Variants in SAMSN1 observed in about 807,000 individuals in gnomAD.
The protein encoded by SAMSN1 is SAM domain-containing protein SAMSN-1.
Under a neutral mutation model 42.0 loss-of-function variants are expected in SAMSN1, and 31 were observed. That is an observed-to-expected ratio of 0.74 (90% CI 0.55 to 1.00). The LOEUF (loss-of-function observed/expected upper bound fraction) is 1.00. SAMSN1 is among the 50% of genes least tolerant of loss of function. The probability of loss-of-function intolerance (pLI) is 0.00; values close to 1 mark genes in which losing one functional copy is unlikely to be tolerated. For missense variants in SAMSN1, 464 were observed against 439.4 expected, an observed-to-expected ratio of 1.06 and a Z score of -0.50; for synonymous variants, 178 against 151.9, an observed-to-expected ratio of 1.17 and a Z score of -1.26.
chr21:14,567,384 G>T (rs1191363711), intron 2 of SAMSN1, among the ~76,000 whole-genome samples: 1 of 151,242 alleles, frequency 6.6e-6, no homozygotes, highest in Admixed American at 6.6e-5. Context: ...ATGTTAAAAT[G>T]ATAAAAATTA....
At chr21:14,593,769 T>G in intron 7 of SAMSN1, 1 of 308,468 alleles carries the variant, frequency 3.2e-6, no homozygotes, top group East Asian at 5.2e-5. Context: ...TTGCTAAATT[T>G]TAGGGAAAAT....
chr21:14,577,236 GTGTATATATATATA>G lies in SAMSN1; in HGVS notation c.261+4886_261+4899del, dbSNP rs1326490642. Among the ~76,000 whole-genome samples, 13 of 30,856 alleles carry G rather than the reference GTGTATATATATATA, an allele frequency of 4.2e-4. 1 individual carries two copies. The highest frequency in any genetic ancestry group is 0.024 in the Middle Eastern group (1 of 42). The allele number at this position is 30,856 out of a possible 152,430, so 20.2% of individuals were successfully genotyped here. A position where few individuals can be genotyped will look rare whatever the true frequency, so the allele number is the denominator to read the frequency against. ...ATGGTGGGCTAATTTATATATATGT[GTGTATATATATATA>G]TATATATATATATATATATATATAT... On this transcript the variant is annotated intron_variant, in intron 2 of 8. Transcript: ENST00000285670.
chr21:14,630,737 T>G (rs1983306303), intron 2 of SAMSN1, among the ~76,000 whole-genome samples: 1 of 152,212 alleles, frequency 6.6e-6, no homozygotes, highest in African/African-American at 2.4e-5. Flanking sequence ...AAGGAAAAGA[T>G]TACGTGCACT....
chr21:14,588,656 G>A (rs1022610175), intron 7 of SAMSN1, among the ~76,000 whole-genome samples: 7 of 152,120 alleles, frequency 4.6e-5, no homozygotes, highest in African/African-American at 1.7e-4. Context: ...CTCAGTGAAG[G>A]CCATCTTCAT....
chr21:14,595,641 T>A (rs1982238618), intron 6 of SAMSN1, among the ~76,000 whole-genome samples: 1 of 152,182 alleles, frequency 6.6e-6, no homozygotes, highest in South Asian at 2.1e-4. Context: ...GTCACTATTT[T>A]ACACATAAGG....
At chr21:14,566,142 A>T (rs1981108899) in intron 2 of SAMSN1, among the ~76,000 whole-genome samples, 1 of 152,202 alleles carries the variant, frequency 6.6e-6, no homozygotes, top group African/African-American at 2.4e-5. Context: ...ATTTAAAGTC[A>T]GTTGTGTTTT....
At chr21:14,608,205 TA>T (rs528150062) in intron 5 of SAMSN1, among the ~76,000 whole-genome samples, 84 of 152,278 alleles carry the variant, frequency 5.5e-4, no homozygotes, top group African/African-American at 1.9e-3. Context: ...AAAGAGCCAC[TA>T]AAAAAAGTAG....
chr21:14,539,236 A>T (rs1287747198), intron 1 of SAMSN1, among the ~76,000 whole-genome samples: 2 of 152,220 alleles, frequency 1.3e-5, no homozygotes, highest in Admixed American at 6.5e-5. Flanking sequence ...AAACAATAAG[A>T]CAGGGATGCC....
chr21:14,580,060 G>C (rs1421887955), intron 2 of SAMSN1, among the ~76,000 whole-genome samples: 1 of 152,182 alleles, frequency 6.6e-6, no homozygotes, highest in Non-Finnish European at 1.5e-5. Flanking sequence ...AAAGGAAGGA[G>C]GGACTACTTC....
chr21:14,528,260 CTCT>C (rs934986540), intron 1 of SAMSN1, among the ~76,000 whole-genome samples: 1 of 152,076 alleles, frequency 6.6e-6, no homozygotes, highest in African/African-American at 2.4e-5. Flanking sequence ...TTCCTTCTTT[CTCT>C]TCTTCTCTAA....
At chr21:14,549,474 G>A (rs902177209), upstream of SAMSN1, among the ~76,000 whole-genome samples, 9 of 152,050 alleles carry the variant, frequency 5.9e-5, no homozygotes, top group Admixed American at 1.3e-4. Flanking sequence ...AGAGTTGGTT[G>A]GGCACAATCT....
intron 4 of SAMSN1, among the ~76,000 whole-genome samples, chr21:14,511,324 A>T (rs1379547764): frequency 1.1e-4 from 17 of 151,924 alleles, no homozygotes; most frequent in Admixed American, 1.1e-3. Flanking sequence ...ATCTCTTCAC[A>T]CCCTCCCTTC....
At chr21:14,601,240 A>G (rs1197056071) in intron 6 of SAMSN1, among the ~76,000 whole-genome samples, 1 of 152,200 alleles carries the variant, frequency 6.6e-6, no homozygotes, top group East Asian at 1.9e-4. Context: ...TCACTCTGGT[A>G]GCATCAGAGC....
At chr21:14,530,239 C>T (rs942893447) in intron 1 of SAMSN1, among the ~76,000 whole-genome samples, 13 of 150,450 alleles carry the variant, frequency 8.6e-5, no homozygotes, top group African/African-American at 1.5e-4. Flanking sequence ...ATGGCGTGAA[C>T]CTGGGAGGCG....
intron 1 of SAMSN1, among the ~76,000 whole-genome samples, chr21:14,537,558 G>A (rs530217266): frequency 1.3e-5 from 2 of 152,266 alleles, no homozygotes; most frequent in South Asian, 2.1e-4. Flanking sequence ...ATGAATGAAC[G>A]AATGCATGGA....
At chr21:14,556,796 T>C (rs950264509) in intron 2 of SAMSN1, among the ~76,000 whole-genome samples, 5 of 152,212 alleles carry the variant, frequency 3.3e-5, no homozygotes, top group Non-Finnish European at 7.3e-5. Flanking sequence ...TTTAGAAACA[T>C]GTTACCTGCA....
chr21:14,589,700 T>C (rs1177197225), intron 7 of SAMSN1, among the ~76,000 whole-genome samples: 1 of 152,126 alleles, frequency 6.6e-6, no homozygotes, highest in Non-Finnish European at 1.5e-5. Context: ...GTTATCTGTC[T>C]GAATTATGTT....
intron 2 of SAMSN1, 24 bp from the exon 3 acceptor site, chr21:14,517,065 G>T (rs779140160): frequency 4.2e-5 from 67 of 1,578,206 alleles, no homozygotes; most frequent in Admixed American, 2.1e-4. Flanking sequence ...GTTTACAAAA[G>T]ACAAAATAAT....
rs182683734 is a variant in SAMSN1 at position 14,623,593 on chromosome 21, G to A, written c.157-7577C>T. 1.5e-4 allele frequency among the ~76,000 whole-genome samples: 23 copies of A among 152,208 alleles called. No individual in the cohort carries two copies. The East Asian group carries it at 3.9e-3, about 26-fold the overall frequency. On this transcript the variant is annotated intron_variant, in intron 2 of 15. Transcript: ENST00000647101. Reference sequence around the variant, plus strand: ...AGAACTAACTATCCTAAATATATATGGACCCAAAACAGAAGCACCCAGATT... The same window carrying A: ...AGAACTAACTATCCTAAATATATATAGACCCAAAACAGAAGCACCCAGATT...
Sources: allele counts gnomAD v4.1 joint callset (sites outside exome capture counted in the v4.1 genomes callset), GRCh38; gene constraint gnomAD v4.1.1; transcripts MANE v1.5; gene names NCBI Gene and HGNC (gene_info 2026-07-23, HGNC 2026-07-21).